The following ANAPC10 variants were observed in gnomAD, a reference collection of about 807,000 sequenced individuals.
ANAPC10 encodes the protein anaphase-promoting complex subunit 10.
In ANAPC10, 12 loss-of-function variants were observed where a neutral mutation model predicts 22.0. That is an observed-to-expected ratio of 0.55 (90% CI 0.35 to 0.88). The LOEUF is 0.88. ANAPC10 is among the 40% of genes least tolerant of loss of function. The probability of loss-of-function intolerance (pLI) is 0.01; values close to 1 mark genes in which losing one functional copy is unlikely to be tolerated. For missense variants in ANAPC10, 188 were observed against 220.9 expected (o/e 0.85, Z 0.94); for synonymous variants, 65 against 69.5 (o/e 0.94, Z 0.32).
At chr4:145,019,559 A>C (rs897704117) in intron 4 of ANAPC10, among the ~76,000 whole-genome samples, 30 of 152,236 alleles carry the variant, frequency 2.0e-4, no homozygotes, top group African/African-American at 7.0e-4. Context: ...GAACAAACCA[A>C]ACCCAAACCC....
At chr4:145,036,022 C>A (rs1312146833) in intron 4 of ANAPC10, among the ~76,000 whole-genome samples, 3 of 152,038 alleles carry the variant, frequency 2.0e-5, no homozygotes, top group African/African-American at 7.3e-5. Context: ...AGAATTTAGA[C>A]ATATGTTGGT....
intron 4 of ANAPC10, among the ~76,000 whole-genome samples, chr4:145,004,718 T>G (rs1367705304): frequency 6.6e-6 from 1 of 152,196 alleles, no homozygotes; most frequent in Non-Finnish European, 1.5e-5. Flanking sequence ...GTGAATTAGC[T>G]TTTTGATGTG....
At chr4:145,091,611 G>C (rs1747695693) in intron 2 of ANAPC10, among the ~76,000 whole-genome samples, 1 of 152,078 alleles carries the variant, frequency 6.6e-6, no homozygotes, top group Non-Finnish European at 1.5e-5. Flanking sequence ...TGGGCGTTTG[G>C]GTTGATTCCA....
intron 4 of ANAPC10, among the ~76,000 whole-genome samples, chr4:145,052,764 T>A (rs760300259): frequency 6.6e-6 from 1 of 151,830 alleles, no homozygotes; most frequent in African/African-American, 2.4e-5. Flanking sequence ...GGTGCACACC[T>A]GTAATCCCAG....
intron 3 of ANAPC10, among the ~76,000 whole-genome samples, chr4:145,073,229 T>A (rs899954564): frequency 6.6e-5 from 10 of 152,224 alleles, no homozygotes; most frequent in African/African-American, 2.4e-4. Context: ...CTTTAATTTT[T>A]CCATTTGCTC....
intron 2 of ANAPC10, among the ~76,000 whole-genome samples, chr4:145,083,045 A>T (rs1462171219): frequency 6.6e-6 from 1 of 152,168 alleles, no homozygotes; most frequent in East Asian, 1.9e-4. Context: ...CTTTAAACAA[A>T]TGATAGCATA....
In ANAPC10 at chr4:145,020,803, T is replaced by C. The variant is rs138777900; in HGVS notation, c.328-25200A>G. On this transcript the variant is annotated intron_variant, in intron 4 of 4. Transcript: ENST00000507656. ...ACACCAACAGCAACCAACTAGAGAA[T>C]CGAATCAAGAACTCAATCCTTTTTA... Among the ~76,000 whole-genome samples, 665 of 149,356 alleles carry C rather than the reference T, an allele frequency of 4.5e-3. 3 individuals carry two copies. Among genetic ancestry groups the C allele is most frequent in the African/African-American group, 0.015 (612 of 40,486 alleles).
intron 4 of ANAPC10, among the ~76,000 whole-genome samples, chr4:145,046,707 A>G (rs1740352154): frequency 6.6e-6 from 1 of 152,056 alleles, no homozygotes; most frequent in African/African-American, 2.4e-5. Context: ...AATTTTTTTA[A>G]AAATCCAAAT....
chr4:145,026,987 A>ATTTT (rs1186853327), intron 4 of ANAPC10, among the ~76,000 whole-genome samples: 3 of 15,370 alleles, frequency 2.0e-4, no homozygotes, highest in African/African-American at 4.6e-4. Context: ...ATATATATAT[A>ATTTT]TTTTTTTTTT....
At chr4:145,046,833 G>A (rs1354077631) in intron 4 of ANAPC10, among the ~76,000 whole-genome samples, 1 of 151,982 alleles carries the variant, frequency 6.6e-6, no homozygotes, top group African/African-American at 2.4e-5. Context: ...GTAAGGAATT[G>A]AATCCAAGAC....
chr4:145,064,588 T>C lies in ANAPC10; in HGVS notation c.311A>G (p.Asn104Ser), dbSNP rs369778610. ...AAGACATACCCGAATTTCTTGAAGG[T>C]TGTGAAAATTATTTCCTACTCTGAC... ...ISVRVGNNFH[N>S]LQEIRQLELV... Residue 104 changes from asparagine (N) to serine (S), a missense_variant, in exon 4 of 5, where the codon AAC becomes AGC. Transcript: ENST00000507656. 49 of 1,605,624 alleles carry C rather than the reference T, an allele frequency of 3.1e-5. No individual in the cohort carries two copies. Among genetic ancestry groups the C allele is most frequent in the Non-Finnish European group, 3.8e-5 (45 of 1,176,376 alleles).
At position 145,036,336 on chromosome 4, in the gene ANAPC10, T is replaced by C. The variant is rs554589363; in HGVS notation, c.327+28236A>G. Among the ~76,000 whole-genome samples the C allele has an allele frequency of 3.9e-5, 6 of 152,314 alleles. No homozygotes were observed. In the South Asian group the frequency reaches 6.2e-4, roughly 16 times the overall value. ...ATAGATACGTACACGTTATTTAGAA[T>C]TGTACACATCTAATACAGGTATCTA... is the stretch of plus-strand genomic sequence containing the variant. On this transcript the variant is annotated intron_variant, in intron 4 of 4. Transcript: ENST00000507656.
intron 3 of ANAPC10, among the ~76,000 whole-genome samples, chr4:145,080,647 G>A (rs999042752): frequency 9.9e-5 from 15 of 152,070 alleles, no homozygotes. Flanking sequence ...AGTGGCTCAC[G>A]CCTGTAATCC....
At chr4:145,085,179 T>A (rs1258520833) in intron 2 of ANAPC10, among the ~76,000 whole-genome samples, 2 of 152,078 alleles carry the variant, frequency 1.3e-5, no homozygotes, top group Non-Finnish European at 2.9e-5. Context: ...ATCACTTGAG[T>A]CCTGGAGTTC....
At chr4:144,999,781 C>T (rs763943873) in intron 4 of ANAPC10, among the ~76,000 whole-genome samples, 1 of 152,164 alleles carries the variant, frequency 6.6e-6, no homozygotes, top group African/African-American at 2.4e-5. Flanking sequence ...TTGGAGGCAT[C>T]ATGCTACCTC....
chr4:145,020,706 T>C (rs1735845323), intron 4 of ANAPC10, among the ~76,000 whole-genome samples: 1 of 152,046 alleles, frequency 6.6e-6, no homozygotes, highest in Non-Finnish European at 1.5e-5. Context: ...AGAAAGCTCC[T>C]AGAACTGACA....
At chr4:144,999,509 C>T (rs991335393) in intron 4 of ANAPC10, among the ~76,000 whole-genome samples, 4 of 152,138 alleles carry the variant, frequency 2.6e-5, no homozygotes, top group African/African-American at 9.7e-5. Flanking sequence ...ACAACCACTT[C>T]TCTTCAAGGA....
chr4:145,021,874 AT>A (rs1736002026), intron 4 of ANAPC10, among the ~76,000 whole-genome samples: 1 of 152,152 alleles, frequency 6.6e-6, no homozygotes, highest in East Asian at 1.9e-4. Context: ...ATAGACAATT[AT>A]CAAAAGAAGA....
At chr4:145,065,864 T>A (rs1198049394) in intron 3 of ANAPC10, among the ~76,000 whole-genome samples, 5 of 151,984 alleles carry the variant, frequency 3.3e-5, no homozygotes, top group Non-Finnish European at 7.4e-5. Context: ...CCAAAAATAG[T>A]AAAATTAACT....
Sources: gnomAD v4.1 joint callset for allele counts (sites outside exome capture counted in the v4.1 genomes callset) on GRCh38, gnomAD v4.1.1 for gene constraint, MANE v1.5 for transcripts, NCBI Gene and HGNC (gene_info 2026-07-23, HGNC 2026-07-21) for gene names.